The following ZAN variants were observed in gnomAD, a reference collection of about 807,000 sequenced individuals.
The protein encoded by ZAN is zonadhesin (gene/pseudogene).
In ZAN, 260 loss-of-function variants were observed where a neutral mutation model predicts 286.2. That is an observed-to-expected ratio of 0.91 (90% CI 0.82 to 1.01). The LOEUF (loss-of-function observed/expected upper bound fraction) is 1.01. Ranked by LOEUF, ZAN falls within the 50% of genes least tolerant of loss-of-function variation. The probability of loss-of-function intolerance (pLI) is 0.00; values close to 1 mark genes in which losing one functional copy is unlikely to be tolerated. For synonymous variants in ZAN, 1,368 were observed against 1,417.5 expected (o/e 0.97, Z 0.79); for missense variants, 3,410 against 3,639.2 (o/e 0.94, Z 1.62).
At chr7:100,760,946 G>C (rs2115961749) in intron 19 of ZAN, among the ~76,000 whole-genome samples, 1 of 152,214 alleles carries the variant, frequency 6.6e-6, no homozygotes, top group South Asian at 2.1e-4. Context: ...CCCTAGGCTG[G>C]AGTGCAGTGG....
chr7:100,767,273 C>T lies in ZAN; in HGVS notation c.4860+16C>T, dbSNP rs1166895491. 1.9e-6 allele frequency: 3 copies of T among 1,598,960 alleles called. No homozygotes were observed. Among genetic ancestry groups the T allele is most frequent in the Non-Finnish European group, 2.6e-6 (3 of 1,175,992 alleles). ...TAAGGTCATGGTGGGTGTCTTCCTC[C>T]TGCCTCCTGGACCCTGAACACCCAG... On this transcript the variant is annotated intron_variant, in intron 25 of 47. Coordinates refer to ENST00000613979, the MANE Select transcript of ZAN (RefSeq NM_003386.3).
chr7:100,769,381 A>G (rs1211606708), intron 27 of ZAN, among the ~76,000 whole-genome samples: 1 of 152,054 alleles, frequency 6.6e-6, no homozygotes, highest in Non-Finnish European at 1.5e-5. Flanking sequence ...GGTGTGAGCC[A>G]CTGCACACAG....
At chr7:100,785,490 C>A (rs1420740738) in intron 36 of ZAN, among the ~76,000 whole-genome samples, 1 of 151,978 alleles carries the variant, frequency 6.6e-6, no homozygotes, top group East Asian at 1.9e-4. Flanking sequence ...CTTGGCCTCC[C>A]AAAGTACTAA....
At chr7:100,779,229 C>T (rs888215175) in intron 34 of ZAN, among the ~76,000 whole-genome samples, 2 of 149,028 alleles carry the variant, frequency 1.3e-5, no homozygotes, top group Non-Finnish European at 3.0e-5. Flanking sequence ...ATTGGTCGGG[C>T]GTGGTGGTGG....
intron 23 of ZAN, 122 bp from the exon 24 acceptor site, chr7:100,766,403 T>A: frequency 8.1e-7 from 1 of 1,228,960 alleles, no homozygotes; most frequent in Non-Finnish European, 1.1e-6. Flanking sequence ...GAAGAGAGGA[T>A]GTCTCCCCAC....
At chr7:100,769,706 G>A (rs771337020) in intron 27 of ZAN, among the ~76,000 whole-genome samples, 174 bp from the exon 28 acceptor site, 3 of 151,816 alleles carry the variant, frequency 2.0e-5, no homozygotes, top group South Asian at 2.1e-4. Context: ...CACCACGCCC[G>A]GCTAATTTTT....
In ZAN at chr7:100,736,902, G is replaced by A. The variant is rs768485420; in HGVS notation, c.347G>A (p.Cys116Tyr). The change falls in exon 5 of 48, where the codon TGT becomes TAT. Residue 116 changes from cysteine (C) to tyrosine (Y), a missense_variant. Cys to Tyr is a radical substitution (Grantham distance 194). This residue lies in a region of ZAN where 872 missense variants were observed against 938.9 expected (regional missense o/e 0.93). Transcript: ENST00000613979. The stretch of plus-strand genomic sequence containing the variant: ...GACCTATGGGAGCAAGGCCCCCTCT[G>A]TGTGCACTTTGCCCACCACATGTTC... ...SPDLWEQGPL[C>Y]VHFAHHMFGL... is the part of the protein sequence containing the mutation. 4.7e-6 allele frequency: 7 copies of A among 1,491,066 alleles called. 2 individuals are homozygous for A. The highest frequency in any genetic ancestry group is 6.4e-6 in the Non-Finnish European group (7 of 1,091,406). The allele number at this position is 1,491,066 out of a possible 1,614,324, so 92.4% of individuals were successfully genotyped here. A position where few individuals can be genotyped will look rare whatever the true frequency, so the allele number is the denominator to read the frequency against.
chr7:100,749,578 T>G (rs1490883327), intron 11 of ZAN, among the ~76,000 whole-genome samples: 1 of 147,818 alleles, frequency 6.8e-6, no homozygotes, highest in Non-Finnish European at 1.5e-5. Flanking sequence ...AGGCAGAGCT[T>G]GCAGTGAGCC....
chr7:100,767,236 G>A lies in ZAN; in HGVS notation c.4839G>A (p.Leu1613=), dbSNP rs1584595526. Residue 1613 remains leucine (L), a synonymous_variant, in exon 25 of 48, where the codon CTG becomes CTA. Coordinates refer to ENST00000613979, the MANE Select transcript of ZAN (RefSeq NM_003386.3). ...CAGTCTTTGACCTCAGCATCTCACTGCTCAGAGGCTGTAAGGTCATGGTGG... is the reference window on the plus strand; with the variant it reads ...CAGTCTTTGACCTCAGCATCTCACTACTCAGAGGCTGTAAGGTCATGGTGG... The part of the protein sequence containing the change: ...HVTVFDLSIS[L]LRGCKVMLNG... 1 of 1,611,326 alleles carries A rather than the reference G, an allele frequency of 6.2e-7. No homozygotes were observed.
At chr7:100,771,787 T>A (rs964273291) in intron 28 of ZAN, 57 bp from the exon 29 acceptor site, 13 of 1,542,854 alleles carry the variant, frequency 8.4e-6, no homozygotes, top group Middle Eastern at 1.7e-4. Flanking sequence ...GGAAGCCACA[T>A]GGCCCTGTTC....
intron 31 of ZAN, among the ~76,000 whole-genome samples, chr7:100,774,784 T>G (rs1190946640): frequency 1.3e-5 from 2 of 151,574 alleles, no homozygotes; most frequent in East Asian, 3.9e-4. Flanking sequence ...TATGACCATA[T>G]GCCATTGCAT....
In ZAN at chr7:100,737,280, C is replaced by CG; in HGVS notation, c.548dup (p.Ser184Ter). 1 of 1,488,014 alleles carries CG rather than the reference C, an allele frequency of 6.7e-7. No individual in the cohort carries two copies. Among genetic ancestry groups the CG allele is most frequent in the Non-Finnish European group, 9.2e-7 (1 of 1,088,266 alleles). The allele number at this position is 1,488,014 out of a possible 1,614,324, so 92.2% of individuals were successfully genotyped here. A position where few individuals can be genotyped will look rare whatever the true frequency, so the allele number is the denominator to read the frequency against. ...CTTGCAGCTGATGTTTGAGGGAACA[C>CG]GGGGTAGCACTGCCTACCTGGACAT... On this transcript the variant is annotated frameshift_variant, in exon 6 of 48. Coordinates refer to ENST00000613979, the MANE Select transcript of ZAN (RefSeq NM_003386.3). LOFTEE classifies it high-confidence loss of function.
At chr7:100,786,164 T>C (rs1466739496) in intron 37 of ZAN, 23 bp downstream of exon 37, 5 of 1,611,270 alleles carry the variant, frequency 3.1e-6, no homozygotes, top group South Asian at 2.2e-5. Context: ...ACCGGGGAGG[T>C]TGGAGAGGGG....
At position 100,775,329 on chromosome 7, in the gene ZAN, T is replaced by G. The variant is rs780991818; in HGVS notation, c.5781T>G (p.Gly1927=). Reference sequence around the variant, plus strand: ...CCAGCTGTCTCTCTGTCCTCCCAGGTGTGGGAGTGTGTCAGCTCCCAGGGG... The same window carrying G: ...CCAGCTGTCTCTCTGTCCTCCCAGGGGTGGGAGTGTGTCAGCTCCCAGGGG... The part of the protein sequence containing the change: ...LDGLLHCRAS[G]VGVCQLPGES... Residue 1927 remains glycine, a splice_region_variant and synonymous_variant, in exon 32 of 48, where the codon GGT becomes GGG. Transcript: ENST00000613979. The G allele has an allele frequency of 1.9e-6, 3 of 1,612,698 alleles. No individual in the cohort carries two copies. Among genetic ancestry groups the G allele is most frequent in the Non-Finnish European group, 2.5e-6 (3 of 1,179,446 alleles).
chr7:100,760,548 T>A lies in ZAN; in HGVS notation c.3842+12T>A. The A allele has an allele frequency of 6.2e-7, 1 of 1,610,922 alleles. No homozygotes were observed. Among genetic ancestry groups the A allele is most frequent in the South Asian group, 1.1e-5 (1 of 90,996 alleles). On this transcript the variant is annotated intron_variant, in intron 19 of 47. Transcript: ENST00000613979. ...GTTACTGTGTCCAGGTAAGGCAGTGTCCCAGCCAGGCAGCTGCCACTTCTT... is the reference window on the plus strand; with the variant it reads ...GTTACTGTGTCCAGGTAAGGCAGTGACCCAGCCAGGCAGCTGCCACTTCTT...
rs111784478 is a variant in ZAN, at chr7:100,771,228, C to T, written c.5249-616C>T. Reference sequence around the variant, plus strand: ...GTGCTGAGGTTATAGGCGGGAGCCACCACACAAATCTGGGTTTTGTTTGTT... The same window carrying T: ...GTGCTGAGGTTATAGGCGGGAGCCATCACACAAATCTGGGTTTTGTTTGTT... On this transcript the variant is annotated intron_variant, in intron 28 of 47. Transcript: ENST00000613979. Among the ~76,000 whole-genome samples the T allele has an allele frequency of 2.4e-3, 367 of 152,250 alleles. 2 individuals are homozygous for T. The highest frequency in any genetic ancestry group is 8.5e-3 in the African/African-American group (354 of 41,554).
chr7:100,758,760 G>A (rs1809340872), intron 17 of ZAN, 110 bp downstream of exon 17: 3 of 1,475,784 alleles, frequency 2.0e-6, no homozygotes, highest in African/African-American at 1.4e-5. Flanking sequence ...TGGGGGAAGA[G>A]GCAAGATAGG....
In ZAN at chr7:100,734,080, A is replaced by T; in HGVS notation, c.-89A>T. ...TCATGGCATCCTTGGAAGGATGCCA[A>T]GCTAAGGAGGCCAGGGGGGAATAAA... is the stretch of plus-strand genomic sequence containing the variant. On this transcript the variant is annotated 5_prime_UTR_variant, in exon 2 of 48. It adds an upstream start codon to the 5' untranslated region. Transcript: ENST00000613979. 1 of 842,320 alleles carries T rather than the reference A, an allele frequency of 1.2e-6. No individual in the cohort carries two copies. Among genetic ancestry groups the T allele is most frequent in the Non-Finnish European group, 1.9e-6 (1 of 526,306 alleles). 52.2% of individuals were successfully genotyped at this position (842,320 alleles called of 1,614,324 possible).
At chr7:100,790,363 C>G (rs1811858193) in intron 39 of ZAN, among the ~76,000 whole-genome samples, 1 of 149,686 alleles carries the variant, frequency 6.7e-6, no homozygotes, top group African/African-American at 2.5e-5. Context: ...GAGATCGAGA[C>G]CATCCTGGCT....
Sources: allele counts gnomAD v4.1 joint callset (sites outside exome capture counted in the v4.1 genomes callset), GRCh38; gene constraint gnomAD v4.1.1; regional missense constraint gnomAD v4.1.1; transcripts MANE v1.5; gene names NCBI Gene and HGNC (gene_info 2026-07-23, HGNC 2026-07-21).